Variants in FLT3 observed in about 807,000 individuals in gnomAD.
The protein encoded by FLT3 is receptor-type tyrosine-protein kinase FLT3.
FLT3 carries 46 observed loss-of-function variants against 126.6 expected under a neutral mutation model. That is an observed-to-expected ratio of 0.36 (90% CI 0.29 to 0.46). The LOEUF is 0.46. Ranked by LOEUF, FLT3 falls within the 20% of genes least tolerant of loss-of-function variation. FLT3 has a pLI of 1.00. For synonymous variants in FLT3, 404 were observed against 434.4 expected, an observed-to-expected ratio of 0.93 and a Z score of 0.87; for missense variants, 1,069 against 1,190.3, an observed-to-expected ratio of 0.90 and a Z score of 1.50.
rs1459690530 is a variant in FLT3 at position 28,005,055 on chromosome 13, C to T, written c.2860-881G>A. Among the ~76,000 whole-genome samples, 3 of 152,292 alleles carry T rather than the reference C, an allele frequency of 2.0e-5. No individual in the cohort carries two copies. In the East Asian group the frequency reaches 5.8e-4, roughly 29 times the overall value. ...ACAGAAAGAGACGTAGAAGGCCGGGCGCAGTGGCTCATGCCTGTAATCCCA... is the reference window on the plus strand; with the variant it reads ...ACAGAAAGAGACGTAGAAGGCCGGGTGCAGTGGCTCATGCCTGTAATCCCA... On this transcript the variant is annotated intron_variant, in intron 23 of 23. Coordinates refer to ENST00000241453, the MANE Select transcript of FLT3 (RefSeq NM_004119.3).
intron 15 of FLT3, among the ~76,000 whole-genome samples, chr13:28,029,248 C>T (rs1210387996): frequency 2.0e-5 from 3 of 152,102 alleles, no homozygotes; most frequent in Non-Finnish European, 4.4e-5. Flanking sequence ...AAAAATTAGC[C>T]GGGCGTGCCG....
intron 4 of FLT3, among the ~76,000 whole-genome samples, chr13:28,055,978 A>G (rs1007407970): frequency 6.6e-6 from 1 of 152,202 alleles, no homozygotes; most frequent in Non-Finnish European, 1.5e-5. Context: ...CTCTGGTCCT[A>G]TCATTTTCAG....
At chr13:28,057,587 T>C (rs1876124262) in intron 3 of FLT3, 125 bp from the exon 4 acceptor site, 1 of 632,934 alleles carries the variant, frequency 1.6e-6, no homozygotes, top group African/African-American at 1.8e-5. Flanking sequence ...AGCCGCTCTG[T>C]GGAGAACACA....
intron 23 of FLT3, among the ~76,000 whole-genome samples, chr13:28,007,836 C>T (rs910698920): frequency 6.6e-6 from 1 of 152,110 alleles, no homozygotes; most frequent in African/African-American, 2.4e-5. Context: ...TGATTAAATA[C>T]TCAAAAAATG....
chr13:28,035,844 T>A, intron 11 of FLT3, 91 bp downstream of exon 11: 1 of 1,253,424 alleles, frequency 8.0e-7, no homozygotes. Flanking sequence ...AAATATTTCA[T>A]CATTTCCTCT....
chr13:28,053,397 G>GGTATATATATATATAT (rs552660989), intron 4 of FLT3, among the ~76,000 whole-genome samples: 1 of 134,882 alleles, frequency 7.4e-6, no homozygotes, highest in Non-Finnish European at 1.5e-5. Flanking sequence ...TGTACTGTTT[G>GGTATATATATATATAT]ATATATATAT....
chr13:28,026,118 A>C (rs965518135), intron 17 of FLT3, among the ~76,000 whole-genome samples: 3 of 152,230 alleles, frequency 2.0e-5, no homozygotes, highest in Non-Finnish European at 2.9e-5. Flanking sequence ...TGCGGGGCCT[A>C]GGTGGGTGGA....
Position 28,100,378 on chromosome 13 carries a change from T to A in FLT3, c.43+90A>T, listed in dbSNP as rs1296108987. 2 of 916,798 alleles carry A rather than the reference T, an allele frequency of 2.2e-6. No individual in the cohort carries two copies. Among genetic ancestry groups the A allele is most frequent in the African/African-American group, 1.8e-5 (1 of 57,088 alleles). 56.8% of individuals were successfully genotyped at this position (916,798 alleles called of 1,614,324 possible). On this transcript the variant is annotated intron_variant, in intron 1 of 23. Transcript: ENST00000241453. The surrounding 1 kb of genome is among the most constrained non-coding windows in gnomAD (Gnocchi z 4.8). ...CGAGCGCGGGGAGGAGCGAGGCGGC[T>A]GGGCCGGAGGAGGCGCGCGCCCGGG...
At chr13:28,071,097 T>C (rs1255079698) in intron 1 of FLT3, among the ~76,000 whole-genome samples, 1 of 146,028 alleles carries the variant, frequency 6.8e-6, no homozygotes, top group East Asian at 2.1e-4. Context: ...CAGGCTCAAG[T>C]GATTCTCCTG....
intron 3 of FLT3, 119 bp downstream of exon 3, chr13:28,061,748 G>A: frequency 1.4e-6 from 1 of 718,744 alleles, no homozygotes; most frequent in South Asian, 1.9e-5. Flanking sequence ...TCCAGCCTGG[G>A]TGACAGAGAG....
chr13:28,054,205 G>A (rs147894362), intron 4 of FLT3, among the ~76,000 whole-genome samples: 2,628 of 152,240 alleles, frequency 0.017, 55 homozygotes, highest in Middle Eastern at 0.024. Flanking sequence ...TTACACAGCA[G>A]GATATGAGAG....
chr13:28,077,125 AAAG>A (rs138500773), intron 1 of FLT3, among the ~76,000 whole-genome samples: 107,315 of 150,920 alleles, frequency 0.71, 39,883 homozygotes, highest in East Asian at 0.95. Context: ...AAGAAAGAGA[AAAG>A]AAAGAAAGAA....
intron 2 of FLT3, among the ~76,000 whole-genome samples, chr13:28,063,693 T>C: frequency 6.9e-4 from 1 of 1,458 alleles, no homozygotes; most frequent in South Asian, 0.25. Flanking sequence ...ATTTGTTCAC[T>C]TACTATGATA....
At chr13:28,072,661 G>A (rs892227500) in intron 1 of FLT3, among the ~76,000 whole-genome samples, 5 of 152,128 alleles carry the variant, frequency 3.3e-5, no homozygotes, top group East Asian at 1.9e-4. Flanking sequence ...CTCCCAAAGT[G>A]CTGGGATTAC....
chr13:28,084,847 C>A (rs1417288429), intron 1 of FLT3, among the ~76,000 whole-genome samples: 1 of 151,672 alleles, frequency 6.6e-6, no homozygotes, highest in Non-Finnish European at 1.5e-5. Context: ...TGGTGGCGGG[C>A]GCCTGTAGTC....
intron 9 of FLT3, among the ~76,000 whole-genome samples, chr13:28,040,306 T>A (rs1429178939): frequency 6.6e-6 from 1 of 151,582 alleles, no homozygotes; most frequent in Non-Finnish European, 1.5e-5. Flanking sequence ...CGTTGTTTAA[T>A]GGAGGAGAAT....
intron 6 of FLT3, 59 bp downstream of exon 6, chr13:28,050,036 C>T: frequency 6.3e-7 from 1 of 1,578,514 alleles, no homozygotes; most frequent in Non-Finnish European, 8.7e-7. Context: ...ACTGTTAGTC[C>T]CTGATAGTTG....
rs1189175284 is a variant in FLT3 at position 28,049,654 on chromosome 13, T to C, written c.863A>G (p.Glu288Gly). 6.2e-7 allele frequency: 1 copy of C among 1,614,190 alleles called. No homozygotes were observed. Among genetic ancestry groups the C allele is most frequent in the African/African-American group, 1.3e-5 (1 of 75,052 alleles). Residue 288 changes from glutamate to glycine, a missense_variant, in exon 7 of 24, where the codon GAA becomes GGA. Physicochemically the swap from Glu to Gly is moderately conservative, Grantham distance 98. Transcript: ENST00000241453. ...NHGFGLTWELENKALEEGNYF... is the reference protein window; with the variant it reads ...NHGFGLTWELGNKALEEGNYF... ...TATTACCTCCTCGAGTGCTTTGTTTTCTAATTCCCAGGTGAGCCCGAATCC... is the reference window on the plus strand; with the variant it reads ...TATTACCTCCTCGAGTGCTTTGTTTCCTAATTCCCAGGTGAGCCCGAATCC...
intron 9 of FLT3, among the ~76,000 whole-genome samples, chr13:28,047,306 C>A (rs1017747125): frequency 2.0e-5 from 3 of 152,156 alleles, no homozygotes; most frequent in African/African-American, 7.2e-5. Context: ...TAGTCCAAAA[C>A]CATGTTCCAT....
Sources: allele counts gnomAD v4.1 joint callset (sites outside exome capture counted in the v4.1 genomes callset), GRCh38; gene constraint gnomAD v4.1.1; non-coding constraint Gnocchi (gnomAD v3.1); transcripts MANE v1.5; gene names NCBI Gene and HGNC (gene_info 2026-07-23, HGNC 2026-07-21).